HTR2C: variants seen among roughly 807,000 people sequenced by gnomAD.
HTR2C encodes the protein 5-hydroxytryptamine (serotonin) receptor 2C, G protein-coupled.
Under a neutral mutation model 21.0 loss-of-function variants are expected in HTR2C, and 5 were observed. The ratio of observed to expected loss-of-function variants is 0.24; its 90% CI spans 0.12 to 0.50. The LOEUF (loss-of-function observed/expected upper bound fraction) is 0.50. Ranked by LOEUF, HTR2C falls within the 20% of genes least tolerant of loss-of-function variation. The probability of loss-of-function intolerance (pLI) is 0.98; values close to 1 mark genes in which losing one functional copy is unlikely to be tolerated. For synonymous variants in HTR2C, 150 were observed against 145.3 expected (o/e 1.03, Z -0.23); for missense variants, 271 against 371.2 (o/e 0.73, Z 2.22).
intron 4 of HTR2C, among the ~76,000 whole-genome samples, chrX:114,804,434 A>G (rs2070382492): frequency 8.9e-6 from 1 of 112,226 alleles, no homozygotes; most frequent in Non-Finnish European, 1.9e-5. Flanking sequence ...AAAATTGCAT[A>G]TGATTACTTT....
chrX:114,733,840 T>G (rs782735041), intron 4 of HTR2C, among the ~76,000 whole-genome samples: 1 of 111,048 alleles, frequency 9.0e-6, no homozygotes, highest in Non-Finnish European at 1.9e-5. Context: ...AATTCTGAGA[T>G]GCAACCAATC....
chrX:114,767,620 C>G (rs1556435622), intron 4 of HTR2C, among the ~76,000 whole-genome samples: 1 of 108,072 alleles, frequency 9.3e-6, no homozygotes, highest in African/African-American at 3.3e-5. Flanking sequence ...TTCTATTAAA[C>G]TAATAGCTGA....
At chrX:114,730,546 G>C (rs782697261) in intron 3 of HTR2C, among the ~76,000 whole-genome samples, 14 of 111,617 alleles carry the variant, frequency 1.3e-4, no homozygotes, top group Admixed American at 9.6e-5. Context: ...CAGCATAATG[G>C]CACTTTGCAA....
intron 1 of HTR2C, among the ~76,000 whole-genome samples, chrX:114,604,033 C>T (rs1252292962): frequency 2.8e-5 from 3 of 106,561 alleles, no homozygotes; most frequent in Admixed American, 2.0e-4. Flanking sequence ...AGGCGTGCTG[C>T]GGGATGGGAT....
chrX:114,841,933 A>C (rs1163779576), intron 4 of HTR2C, among the ~76,000 whole-genome samples: 1 of 111,968 alleles, frequency 8.9e-6, no homozygotes, highest in African/African-American at 3.3e-5. Flanking sequence ...AATGTTTGGC[A>C]TATAGAAAAC....
chrX:114,697,286 T>C (rs1932307983), intron 2 of HTR2C, among the ~76,000 whole-genome samples: 1 of 112,660 alleles, frequency 8.9e-6, no homozygotes, highest in Non-Finnish European at 1.9e-5. Context: ...TTCCTTTTTC[T>C]CTTGTGCCAC....
At chrX:114,898,395 T>C (rs1178002125) in intron 5 of HTR2C, among the ~76,000 whole-genome samples, 2 of 112,447 alleles carry the variant, frequency 1.8e-5, no homozygotes, top group Non-Finnish European at 3.8e-5. Flanking sequence ...AGCTCTTTAG[T>C]TTAACTAGAA....
intron 4 of HTR2C, chrX:114,776,520 C>G (rs1212165206): frequency 1.5e-5 from 8 of 542,528 alleles, no homozygotes; most frequent in Non-Finnish European, 2.7e-5. Context: ...TGCTTCATAT[C>G]AGACTAGACA....
chrX:114,609,448 G>A lies in HTR2C; in HGVS notation c.-146-4367G>A, dbSNP rs782582802. Among the ~76,000 whole-genome samples, 45 of 111,310 alleles carry A rather than the reference G, an allele frequency of 4.0e-4. 1 individual carries two copies. Among genetic ancestry groups the A allele is most frequent in the Non-Finnish European group, 8.3e-4 (44 of 53,019 alleles). On this transcript the variant is annotated intron_variant, in intron 1 of 5. Transcript: ENST00000276198. ...TTGTGCTAAATGTGAAGTGATGGGC[G>A]ATGCACCATTTTGTATTTAAAAGAT...
At chrX:114,703,693 C>A (rs1256361520) in intron 2 of HTR2C, among the ~76,000 whole-genome samples, 3 of 110,396 alleles carry the variant, frequency 2.7e-5, no homozygotes, top group Non-Finnish European at 5.7e-5. Flanking sequence ...TAGCAGAAGG[C>A]AAGAAATAAC....
intron 4 of HTR2C, among the ~76,000 whole-genome samples, chrX:114,844,254 A>C (rs782692678): frequency 1.8e-5 from 2 of 112,048 alleles, no homozygotes; most frequent in South Asian, 7.3e-4. Context: ...GAAGATGTAA[A>C]GAAGCAAAAT....
chrX:114,651,681 TA>T (rs1321084846), intron 2 of HTR2C: 1 of 124,462 alleles, frequency 8.0e-6, no homozygotes, highest in East Asian at 2.8e-4. Flanking sequence ...GTACTTCATG[TA>T]GATTTTTTTA....
chrX:114,623,218 T>A (rs1929233367), intron 2 of HTR2C, among the ~76,000 whole-genome samples: 1 of 112,290 alleles, frequency 8.9e-6, no homozygotes, highest in African/African-American at 3.2e-5. Context: ...CCTAGGGGCT[T>A]AAGCGAGTTA....
chrX:114,800,922 C>T (rs1273065067), intron 4 of HTR2C, among the ~76,000 whole-genome samples: 3 of 111,093 alleles, frequency 2.7e-5, no homozygotes, highest in African/African-American at 9.8e-5. Context: ...TCTGCGCATG[C>T]GTGTCAGCCA....
At position 114,836,297 on chromosome X, in the gene HTR2C, C is replaced by A. The variant is rs1335499131; in HGVS notation, c.350-11706C>A. Among the ~76,000 whole-genome samples, 3 of 111,618 alleles carry A rather than the reference C, an allele frequency of 2.7e-5. No homozygotes were observed. The South Asian group carries it at 1.1e-3, about 42-fold the overall frequency. On this transcript the variant is annotated intron_variant, in intron 4 of 5. Coordinates refer to ENST00000276198, the MANE Select transcript of HTR2C (RefSeq NM_000868.4). ...AGCCTGGGCAATGGCGGGCGCCCCTCCCCCAGCCTCGCTGCCGCCTTGCAG... is the reference window on the plus strand; with the variant it reads ...AGCCTGGGCAATGGCGGGCGCCCCTACCCCAGCCTCGCTGCCGCCTTGCAG...
At chrX:114,865,401 G>A (rs1253868330) in intron 5 of HTR2C, among the ~76,000 whole-genome samples, 1 of 111,997 alleles carries the variant, frequency 8.9e-6, no homozygotes, top group Non-Finnish European at 1.9e-5. Context: ...ATACTTAAGA[G>A]TAGAATGGCA....
intron 2 of HTR2C, among the ~76,000 whole-genome samples, chrX:114,650,429 G>C (rs1339737948): frequency 9.0e-6 from 1 of 111,504 alleles, no homozygotes; most frequent in African/African-American, 3.3e-5. Context: ...TCAGTCTTTA[G>C]AAATCATTTT....
chrX:114,706,996 T>C (rs1404316466), intron 2 of HTR2C, among the ~76,000 whole-genome samples: 1 of 111,393 alleles, frequency 9.0e-6, no homozygotes, highest in East Asian at 2.8e-4. Flanking sequence ...CCAGATTTTT[T>C]CCTATAGTTT....
intron 4 of HTR2C, among the ~76,000 whole-genome samples, chrX:114,844,955 A>G (rs1399358925): frequency 1.8e-5 from 2 of 111,845 alleles, no homozygotes; most frequent in Non-Finnish European, 3.8e-5. Context: ...AATGGACAGA[A>G]CAACAAGACA....
Sources: allele counts gnomAD v4.1 joint callset (sites outside exome capture counted in the v4.1 genomes callset), GRCh38; gene constraint gnomAD v4.1.1; transcripts MANE v1.5; gene names NCBI Gene and HGNC (gene_info 2026-07-23, HGNC 2026-07-21).